AP3B2: variants seen among roughly 807,000 people sequenced by gnomAD.
AP3B2 encodes adaptor related protein complex 3 subunit beta 2, also known as AP-3 complex subunit beta-2.
In AP3B2, 50 loss-of-function variants were observed where a neutral mutation model predicts 126.9. The observed-to-expected ratio is 0.39, with a 90% CI of 0.31 to 0.50. The LOEUF (loss-of-function observed/expected upper bound fraction) is 0.50. Ranked by LOEUF, AP3B2 falls within the 20% of genes least tolerant of loss-of-function variation. The probability of loss-of-function intolerance (pLI) is 0.79; values close to 1 mark genes in which losing one functional copy is unlikely to be tolerated. For missense variants in AP3B2, 1,177 were observed against 1,426.4 expected, an observed-to-expected ratio of 0.83 and a Z score of 2.82; for synonymous variants, 541 against 565.0, an observed-to-expected ratio of 0.96 and a Z score of 0.60.
Position 82,680,439 on chromosome 15 carries a change from G to T in AP3B2, c.1055+33C>A. On this transcript the variant is annotated intron_variant, in intron 8 of 26. Coordinates refer to ENST00000535359, the MANE Select transcript of AP3B2 (RefSeq NM_001278512.2). The surrounding 1 kb of genome is among the most constrained non-coding windows in gnomAD (Gnocchi z 6.1). ...CAGCCCGTGGGGCGGGGCAGGAGGC[G>T]AGGGAGGGGGCGGGGCTGGGGGCGG... The T allele has an allele frequency of 6.9e-7, 1 of 1,452,304 alleles. No homozygotes were observed. Among genetic ancestry groups the T allele is most frequent in the South Asian group, 1.4e-5 (1 of 71,592 alleles). The allele number at this position is 1,452,304 out of a possible 1,614,324, so 90.0% of individuals were successfully genotyped here.
At chr15:82,682,479 A>G (rs2048355960) in intron 4 of AP3B2, among the ~76,000 whole-genome samples, 1 of 152,170 alleles carries the variant, frequency 6.6e-6, no homozygotes, top group Non-Finnish European at 1.5e-5. Flanking sequence ...TATATATTAC[A>G]GGCATACCTC....
At position 82,677,397 on chromosome 15, in the gene AP3B2, A is replaced by G. The variant is rs2048261264; in HGVS notation, c.1379-14T>C. 1 of 1,610,392 alleles carries G rather than the reference A, an allele frequency of 6.2e-7. No homozygotes were observed. Among genetic ancestry groups the G allele is most frequent in the Non-Finnish European group, 8.5e-7 (1 of 1,177,618 alleles). Reference sequence around the variant, plus strand: ...CAACCACAAGCTCTACAGAACAAAAATGAGTGTGTGGACCCCAAGACAGTC... The same window carrying G: ...CAACCACAAGCTCTACAGAACAAAAGTGAGTGTGTGGACCCCAAGACAGTC... On this transcript the variant is annotated splice_polypyrimidine_tract_variant and intron_variant, in intron 12 of 26. Transcript: ENST00000535359.
intron 15 of AP3B2, among the ~76,000 whole-genome samples, chr15:82,666,248 G>A (rs1263425078): frequency 6.6e-6 from 1 of 152,210 alleles, no homozygotes; most frequent in African/African-American, 2.4e-5. Context: ...TGGGAAAAGA[G>A]GCCTTAAGGG....
chr15:82,665,520 T>G lies in AP3B2; in HGVS notation c.1908A>C (p.Thr636=). 6.2e-7 allele frequency: 1 copy of G among 1,613,946 alleles called. No individual in the cohort carries two copies. The highest frequency in any genetic ancestry group is 8.5e-7 in the Non-Finnish European group (1 of 1,179,876). Residue 636 remains threonine (T), a synonymous_variant, in exon 16 of 27, where the codon ACA becomes ACC. Transcript: ENST00000535359. This position sits in a 1 kb window ranked among gnomAD's most constrained non-coding sequence, Gnocchi z 4.4. ...GCCAGTCTGGGAGCTCCTGGTAGCC[T>G]GTGGCCTTGGCATTAAGCAGGTGGG... is the stretch of plus-strand genomic sequence containing the variant. ...SLSHLLNAKA[T]GYQELPDWPE...
chr15:82,666,793 G>T lies in AP3B2; in HGVS notation c.1806C>A (p.Leu602=), dbSNP rs748396056. 1.5e-5 allele frequency: 24 copies of T among 1,613,886 alleles called. No individual in the cohort carries two copies. The highest frequency in any genetic ancestry group is 2.0e-5 in the Non-Finnish European group (24 of 1,179,894). Residue 602 remains leucine, a synonymous_variant, in exon 15 of 27, where the codon CTC becomes CTA. Coordinates refer to ENST00000535359, the MANE Select transcript of AP3B2 (RefSeq NM_001278512.2). Reference sequence around the variant, plus strand: ...CTGGAGCTGGTTTGGGTGCCAGGAAGAGCTTCTTGGCATGGCGGCTGAGGG... The same window carrying T: ...CTGGAGCTGGTTTGGGTGCCAGGAATAGCTTCTTGGCATGGCGGCTGAGGG... ...GGALSRHAKK[L]FLAPKPAPVL...
intron 1 of AP3B2, among the ~76,000 whole-genome samples, chr15:82,701,909 A>G (rs2048724665): frequency 6.6e-6 from 1 of 152,194 alleles, no homozygotes; most frequent in Non-Finnish European, 1.5e-5. Flanking sequence ...ACCAATGGTC[A>G]TGATTTTTTT....
chr15:82,701,351 T>C (rs1302717694), intron 1 of AP3B2, among the ~76,000 whole-genome samples: 1 of 152,118 alleles, frequency 6.6e-6, no homozygotes, highest in Admixed American at 6.6e-5. Flanking sequence ...CAGTTAAACT[T>C]GCTCTAGGCT....
rs927194303 is a variant in AP3B2 at position 82,665,098 on chromosome 15, A to T, written c.2028+149T>A. On this transcript the variant is annotated intron_variant, in intron 17 of 26. Transcript: ENST00000535359. The surrounding 1 kb of genome is among the most constrained non-coding windows in gnomAD (Gnocchi z 4.4). ...GAGGAGGAAGAAAGGGGCACTGTCC[A>T]TGGAGGGGAGGGAATGCTGCTCACA... The T allele has an allele frequency of 1.9e-6, 2 of 1,042,480 alleles. No homozygotes were observed. Among genetic ancestry groups the T allele is most frequent in the Admixed American group, 2.1e-5 (1 of 48,560 alleles). The allele number at this position is 1,042,480 out of a possible 1,614,324, so 64.6% of individuals were successfully genotyped here.
chr15:82,662,540 T>A (rs760209091), intron 23 of AP3B2, 154 bp downstream of exon 23: 7 of 777,930 alleles, frequency 9.0e-6, no homozygotes, highest in Non-Finnish European at 1.2e-5. Context: ...TTTCATCATC[T>A]GTCTTGTCCA....
Position 82,665,985 on chromosome 15 carries a change from C to T in AP3B2, c.1853-410G>A, listed in dbSNP as rs2048051136. Among the ~76,000 whole-genome samples, 1 of 152,178 alleles carries T rather than the reference C, an allele frequency of 6.6e-6. No homozygotes were observed. The highest frequency in any genetic ancestry group is 1.5e-5 in the Non-Finnish European group (1 of 68,028). On this transcript the variant is annotated intron_variant, in intron 15 of 26. Coordinates refer to ENST00000535359, the MANE Select transcript of AP3B2 (RefSeq NM_001278512.2). The surrounding 1 kb of genome is among the most constrained non-coding windows in gnomAD (Gnocchi z 4.4). ...ACTGCTGGAGGAGGGCAGCACAGGC[C>T]TGTGAGTGAGGATGGTGTCGGGGAG...
intron 1 of AP3B2, among the ~76,000 whole-genome samples, chr15:82,696,345 A>T (rs1385651805): frequency 2.0e-5 from 3 of 152,194 alleles, no homozygotes; most frequent in African/African-American, 7.2e-5. Flanking sequence ...TTGGAGGCCA[A>T]GGTGGGCAGA....
rs1596191920 is a variant in AP3B2, at chr15:82,691,949, A to C, written c.114-2496T>G. On this transcript the variant is annotated intron_variant, in intron 1 of 26. Transcript: ENST00000535359. ...TTTTCTGAGATACTCAACCATCCCC[A>C]CACCGTCCTTCTGCACATCGGCATA... 2.3e-5 allele frequency: 32 copies of C among 1,393,500 alleles called. No individual in the cohort carries two copies. In the South Asian group the frequency reaches 3.7e-4, roughly 16 times the overall value. 86.3% of individuals were successfully genotyped at this position (1,393,500 alleles called of 1,614,324 possible). A position where few individuals can be genotyped will look rare whatever the true frequency, so the allele number is the denominator to read the frequency against.
Position 82,663,984 on chromosome 15 carries a change from G to T in AP3B2, c.2262-9C>A. Reference sequence around the variant, plus strand: ...CCTCCTCACTCTGTTCACTGAAGGAGTGGGAAAGGTTGGCTCAGGCCTGGC... The same window carrying T: ...CCTCCTCACTCTGTTCACTGAAGGATTGGGAAAGGTTGGCTCAGGCCTGGC... On this transcript the variant is annotated splice_polypyrimidine_tract_variant and intron_variant, in intron 19 of 26. Transcript: ENST00000535359. 1 of 1,599,940 alleles carries T rather than the reference G, an allele frequency of 6.3e-7. No homozygotes were observed. The highest frequency in any genetic ancestry group is 1.1e-5 in the South Asian group (1 of 90,630).
At chr15:82,699,433 C>A (rs1394457226) in intron 1 of AP3B2, among the ~76,000 whole-genome samples, 1 of 152,100 alleles carries the variant, frequency 6.6e-6, no homozygotes, top group Non-Finnish European at 1.5e-5. Context: ...GGGAGTTAAG[C>A]CCCTCATCTC....
chr15:82,665,657 T>A lies in AP3B2; in HGVS notation c.1853-82A>T. On this transcript the variant is annotated intron_variant, in intron 15 of 26. Coordinates refer to ENST00000535359, the MANE Select transcript of AP3B2 (RefSeq NM_001278512.2). The surrounding 1 kb of genome is among the most constrained non-coding windows in gnomAD (Gnocchi z 4.4). Reference sequence around the variant, plus strand: ...CTGTTTTCCAGGTGGGGCTGGGTGGTGATTCTGGTTGGGACTTCCCAGGTG... The same window carrying A: ...CTGTTTTCCAGGTGGGGCTGGGTGGAGATTCTGGTTGGGACTTCCCAGGTG... 8.6e-7 allele frequency: 1 copy of A among 1,165,902 alleles called. No homozygotes were observed. Among genetic ancestry groups the A allele is most frequent in the Non-Finnish European group, 1.3e-6 (1 of 790,404 alleles). 72.2% of individuals were successfully genotyped at this position (1,165,902 alleles called of 1,614,324 possible). A position where few individuals can be genotyped will look rare whatever the true frequency, so the allele number is the denominator to read the frequency against.
At chr15:82,690,431 GT>G (rs2048507868) in intron 1 of AP3B2, among the ~76,000 whole-genome samples, 1 of 151,682 alleles carries the variant, frequency 6.6e-6, no homozygotes, top group African/African-American at 2.4e-5. Flanking sequence ...AGGCCCCAGT[GT>G]GTGATGTTCC....
At chr15:82,693,399 A>T (rs974580740) in intron 1 of AP3B2, among the ~76,000 whole-genome samples, 2 of 151,438 alleles carry the variant, frequency 1.3e-5, no homozygotes, top group South Asian at 4.2e-4. Context: ...GGCATGCACC[A>T]CCACGCTCGG....
chr15:82,698,954 A>C (rs967842072), intron 1 of AP3B2, among the ~76,000 whole-genome samples: 1 of 152,124 alleles, frequency 6.6e-6, no homozygotes, highest in Non-Finnish European at 1.5e-5. Flanking sequence ...ACTGACACAG[A>C]CCGCAGCCAC....
rs549281484 is a variant in AP3B2, at chr15:82,663,985, T to C, written c.2262-10A>G. 4.1e-5 allele frequency: 65 copies of C among 1,598,834 alleles called. No individual in the cohort carries two copies. The highest frequency in any genetic ancestry group is 1.7e-4 in the Middle Eastern group (1 of 6,056). ...CTCCTCACTCTGTTCACTGAAGGAG[T>C]GGGAAAGGTTGGCTCAGGCCTGGCC... On this transcript the variant is annotated splice_polypyrimidine_tract_variant and intron_variant, in intron 19 of 26. Coordinates refer to ENST00000535359, the MANE Select transcript of AP3B2 (RefSeq NM_001278512.2).
Sources: gnomAD v4.1 joint callset for allele counts (sites outside exome capture counted in the v4.1 genomes callset) on GRCh38, gnomAD v4.1.1 for gene constraint, Gnocchi (gnomAD v3.1) non-coding constraint, MANE v1.5 for transcripts, NCBI Gene and HGNC (gene_info 2026-07-23, HGNC 2026-07-21) for gene names.